LCP2: variants seen among roughly 807,000 people sequenced by gnomAD.
LCP2 encodes the protein lymphocyte cytosolic protein 2, also known as 76 kDa tyrosine phosphoprotein.
A neutral mutation model predicts 74.5 loss-of-function variants in LCP2; 29 were observed. That is an observed-to-expected ratio of 0.39 (90% CI 0.29 to 0.53). LCP2 has a LOEUF of 0.53. Ranked by LOEUF, LCP2 falls within the 20% of genes least tolerant of loss-of-function variation. LCP2 has a pLI of 0.72. For synonymous variants in LCP2, 228 were observed against 229.5 expected (o/e 0.99, Z 0.06); for missense variants, 604 against 634.6 (o/e 0.95, Z 0.52).
At chr5:170,254,154 T>C (rs1404257322) in intron 17 of LCP2, among the ~76,000 whole-genome samples, 2 of 152,172 alleles carry the variant, frequency 1.3e-5, no homozygotes, top group Non-Finnish European at 2.9e-5. Flanking sequence ...GTAGGTATTG[T>C]CTTCATTTTG....
intron 2 of LCP2, among the ~76,000 whole-genome samples, chr5:170,288,838 A>C (rs1762229382): frequency 6.6e-6 from 1 of 152,108 alleles, no homozygotes. Context: ...CCTGTGGCCT[A>C]TGTTGGAGAG....
chr5:170,253,128 C>G lies in LCP2; in HGVS notation c.1236G>C (p.Ala412=). The change falls in exon 18 of 21, where the codon GCG becomes GCC. Residue 412 remains alanine, a synonymous_variant. Coordinates refer to ENST00000046794, the MANE Select transcript of LCP2 (RefSeq NM_005565.5). ...AAACATGCTCTCTTACCTCTTCCTC[C>G]GCGGGGGATGGGGGCCGAGGTTTGT... is the stretch of plus-strand genomic sequence containing the variant. ...LPNKPRPPSP[A]EEENSLNEEW... The G allele has an allele frequency of 6.2e-7, 1 of 1,607,672 alleles. No individual in the cohort carries two copies. The highest frequency in any genetic ancestry group is 8.5e-7 in the Non-Finnish European group (1 of 1,176,080).
intron 20 of LCP2, 85 bp from the exon 21 acceptor site, chr5:170,248,904 A>G (rs1211945440): frequency 1.7e-5 from 22 of 1,331,146 alleles, no homozygotes; most frequent in Non-Finnish European, 2.2e-5. Flanking sequence ...TGCATAATAT[A>G]TGCTGCCTCT....
intron 20 of LCP2, among the ~76,000 whole-genome samples, chr5:170,249,262 T>C (rs1268171038): frequency 6.6e-6 from 1 of 151,616 alleles, no homozygotes; most frequent in African/African-American, 2.4e-5. Flanking sequence ...GAGGCAGAGG[T>C]TGCAGTGAGC....
At chr5:170,279,596 TGAG>T (rs1475980914) in intron 3 of LCP2, among the ~76,000 whole-genome samples, 2 of 152,222 alleles carry the variant, frequency 1.3e-5, no homozygotes, top group African/African-American at 4.8e-5. Flanking sequence ...ACGGACTCTC[TGAG>T]GAGAAGCCTG....
At position 170,247,600 on chromosome 5, in the gene LCP2, G is replaced by A. The variant is rs1275410867; in HGVS notation, c.*1097C>T. On this transcript the variant is annotated 3_prime_UTR_variant, in exon 21 of 21. Coordinates refer to ENST00000046794, the MANE Select transcript of LCP2 (RefSeq NM_005565.5). The stretch of plus-strand genomic sequence containing the variant: ...TGAATACCAGTTTTTTAATCTGGCT[G>A]AATGCCTATATTTTTTGTTAAGTGA... The A allele has an allele frequency of 2.0e-5, 3 of 152,194 alleles. No individual in the cohort carries two copies. Among genetic ancestry groups the A allele is most frequent in the Non-Finnish European group, 2.9e-5 (2 of 68,038 alleles). The allele number at this position is 152,194 out of a possible 1,614,324, so 9.4% of individuals were successfully genotyped here. A position where few individuals can be genotyped will look rare whatever the true frequency, so the allele number is the denominator to read the frequency against.
At position 170,253,206 on chromosome 5, in the gene LCP2, G is replaced by T; in HGVS notation, c.1158C>A (p.Ser386Arg). The T allele has an allele frequency of 6.2e-7, 1 of 1,601,176 alleles. No individual in the cohort carries two copies. The highest frequency in any genetic ancestry group is 8.5e-7 in the Non-Finnish European group (1 of 1,172,184). The part of the protein sequence containing the change: ...SLPPYFSQGP[S>R]NRPPIRAEGR... ...CTTCGGCTCTGATAGGTGGTCTGTT[G>T]CTAGGGCCTTCAAAAGTATAGAATT... Residue 386 changes from serine (S) to arginine (R), a missense_variant, in exon 18 of 21, where the codon AGC (serine) becomes AGA (arginine). By Grantham distance (110) the Ser-to-Arg change is moderately radical (BLOSUM62 -1). Coordinates refer to ENST00000046794, the MANE Select transcript of LCP2 (RefSeq NM_005565.5).
chr5:170,246,241 C>A lies in LCP2; in HGVS notation c.*2456G>T, dbSNP rs909688411. The A allele has an allele frequency of 1.3e-6, 1 of 764,276 alleles. No homozygotes were observed. Among genetic ancestry groups the A allele is most frequent in the Non-Finnish European group, 2.0e-6 (1 of 507,418 alleles). 47.3% of individuals were successfully genotyped at this position (764,276 alleles called of 1,614,324 possible). The stretch of plus-strand genomic sequence containing the variant: ...ATAATGTAAACAAGCAGTTCATGTT[C>A]TTGAAGGCTGTTTAATGTTTTGAAG... On this transcript the variant is annotated 3_prime_UTR_variant, in exon 21 of 21. Coordinates refer to ENST00000046794, the MANE Select transcript of LCP2 (RefSeq NM_005565.5).
Position 170,247,480 on chromosome 5 carries a change from G to C in LCP2, c.*1217C>G, listed in dbSNP as rs537087432. 5.6e-4 allele frequency: 86 copies of C among 152,326 alleles called. No individual in the cohort carries two copies. Among genetic ancestry groups the C allele is most frequent in the African/African-American group, 2.0e-3 (83 of 41,572 alleles). The allele number at this position is 152,326 out of a possible 1,614,324, so 9.4% of individuals were successfully genotyped here. A position where few individuals can be genotyped will look rare whatever the true frequency, so the allele number is the denominator to read the frequency against. ...ATTTCGAAAACTTGTAGATTAAGCA[G>C]AGACGCCAAAAATTGTTGCTAATAA... On this transcript the variant is annotated 3_prime_UTR_variant, in exon 21 of 21. Coordinates refer to ENST00000046794, the MANE Select transcript of LCP2 (RefSeq NM_005565.5).
Position 170,267,093 on chromosome 5 carries a change from C to G in LCP2, c.622-18G>C. ...GGCAGTGGCTGCATAAAGATCCAAA[C>G]GTTAGGAAGCACTTCCAATACATCA... On this transcript the variant is annotated intron_variant, in intron 8 of 20. Transcript: ENST00000046794. 1 of 1,613,108 alleles carries G rather than the reference C, an allele frequency of 6.2e-7. No homozygotes were observed. The highest frequency in any genetic ancestry group is 8.5e-7 in the Non-Finnish European group (1 of 1,179,664).
intron 19 of LCP2, chr5:170,251,811 G>A (rs1761450939): frequency 6.1e-6 from 2 of 327,474 alleles, no homozygotes; most frequent in South Asian, 2.3e-5. Context: ...CCAGGAATCG[G>A]GATTTTTCAA....
chr5:170,261,255 A>C, intron 13 of LCP2, 118 bp from the exon 14 acceptor site: 1 of 744,124 alleles, frequency 1.3e-6, no homozygotes, highest in East Asian at 2.7e-5. Flanking sequence ...AGCCTAGGGA[A>C]GATGGGAAGC....
intron 17 of LCP2, among the ~76,000 whole-genome samples, chr5:170,253,635 T>C (rs1295104940): frequency 6.6e-6 from 1 of 151,828 alleles, no homozygotes; most frequent in African/African-American, 2.4e-5. Flanking sequence ...GTAGGGACAA[T>C]GCAATGATGA....
chr5:170,291,649 C>T (rs762303650), intron 2 of LCP2, among the ~76,000 whole-genome samples: 24 of 152,170 alleles, frequency 1.6e-4, no homozygotes, highest in Non-Finnish European at 3.4e-4. Flanking sequence ...ATTACAGAGC[C>T]GGGAGGGGCC....
At chr5:170,250,022 T>A (rs1368292069) in intron 20 of LCP2, among the ~76,000 whole-genome samples, 1 of 152,238 alleles carries the variant, frequency 6.6e-6, no homozygotes, top group Non-Finnish European at 1.5e-5. Flanking sequence ...TTCATTAACA[T>A]TATCATAACA....
chr5:170,276,948 T>G lies in LCP2; in HGVS notation c.189-1088A>C, dbSNP rs978872334. ...AAAAAAAGCTGGGCATGGTGGCACGTGCCTGTGGTCCCAGCTACTTGGGAG... is the reference window on the plus strand; with the variant it reads ...AAAAAAAGCTGGGCATGGTGGCACGGGCCTGTGGTCCCAGCTACTTGGGAG... On this transcript the variant is annotated intron_variant, in intron 3 of 20. Transcript: ENST00000046794. 1.1e-4 allele frequency among the ~76,000 whole-genome samples: 16 copies of G among 151,802 alleles called. No homozygotes were observed. In the East Asian group the frequency reaches 2.1e-3, roughly 20 times the overall value.
At chr5:170,267,774 G>A (rs1312165080) in intron 8 of LCP2, among the ~76,000 whole-genome samples, 1 of 152,154 alleles carries the variant, frequency 6.6e-6, no homozygotes, top group African/African-American at 2.4e-5. Flanking sequence ...CATAGTAGCT[G>A]CTCAGACAAT....
intron 3 of LCP2, among the ~76,000 whole-genome samples, chr5:170,282,154 T>A (rs1314502988): frequency 6.6e-6 from 1 of 152,196 alleles, no homozygotes; most frequent in Non-Finnish European, 1.5e-5. Context: ...GAGCCTTCCT[T>A]ACCACAACTT....
chr5:170,288,165 A>G (rs979127496), intron 2 of LCP2, 149 bp from the exon 3 acceptor site: 36 of 585,752 alleles, frequency 6.1e-5, no homozygotes, highest in Admixed American at 1.9e-4. Context: ...ACCCTCCCCA[A>G]GTAGGCAGCC....
Sources: gnomAD v4.1 joint callset for allele counts (sites outside exome capture counted in the v4.1 genomes callset) on GRCh38, gnomAD v4.1.1 for gene constraint, MANE v1.5 for transcripts, NCBI Gene and HGNC (gene_info 2026-07-23, HGNC 2026-07-21) for gene names.